The following LPAR1 variants were observed in gnomAD, a reference collection of about 807,000 sequenced individuals.
LPAR1 encodes the protein LPA receptor 1.
LPAR1 carries 5 observed loss-of-function variants against 23.8 expected under a neutral mutation model. That is an observed-to-expected ratio of 0.21 (90% confidence interval 0.11 to 0.44). LPAR1 has a LOEUF of 0.44. Among genes scored for constraint, LPAR1 ranks in the 20% least tolerant of loss-of-function variants. LPAR1 has a pLI of 0.99. For missense variants in LPAR1, 311 were observed against 482.8 expected, an observed-to-expected ratio of 0.64 and a Z score of 3.33; for synonymous variants, 160 against 164.7, an observed-to-expected ratio of 0.97 and a Z score of 0.22.
chr9:111,015,370 C>T (rs994810205), intron 2 of LPAR1, among the ~76,000 whole-genome samples: 9 of 152,168 alleles, frequency 5.9e-5, no homozygotes, highest in Admixed American at 5.9e-4. Flanking sequence ...ATCAATTCTT[C>T]CTCCTAAATG....
chr9:110,920,980 T>C (rs1714690104), intron 5 of LPAR1, among the ~76,000 whole-genome samples: 1 of 152,014 alleles, frequency 6.6e-6, no homozygotes, highest in African/African-American at 2.4e-5. Context: ...AATTTTTTTT[T>C]TTTTAATTAG....
rs56962960 is a variant in LPAR1, at chr9:111,030,045, CAAAAAAA to C, written c.-182+6070_-182+6076del. Reference sequence around the variant, plus strand: ...TGGGCAATAAAGTGAGGCTCTGCCTCAAAAAAAAAAAAAAAAAAAAAAAAATTTAGTG... The same window carrying C: ...TGGGCAATAAAGTGAGGCTCTGCCTCAAAAAAAAAAAAAAAAAATTTAGTG... On this transcript the variant is annotated intron_variant, in intron 2 of 5. Transcript: ENST00000683809. Among the ~76,000 whole-genome samples the C allele has an allele frequency of 4.0e-3, 304 of 75,234 alleles. 1 individual carries two copies. Among genetic ancestry groups the C allele is most frequent in the African/African-American group, 0.015 (286 of 19,170 alleles). The allele number at this position is 75,234 out of a possible 152,430, so 49.4% of individuals were successfully genotyped here. A position where few individuals can be genotyped will look rare whatever the true frequency, so the allele number is the denominator to read the frequency against.
chr9:111,037,378 C>A (rs1204922450), intron 1 of LPAR1, among the ~76,000 whole-genome samples: 1 of 152,204 alleles, frequency 6.6e-6, no homozygotes, highest in Non-Finnish European at 1.5e-5. Context: ...CAACCTCAGG[C>A]CCCAGACAGC....
At chr9:110,908,193 A>T (rs1345149014) in intron 5 of LPAR1, among the ~76,000 whole-genome samples, 1 of 151,482 alleles carries the variant, frequency 6.6e-6, no homozygotes, top group Admixed American at 6.6e-5. Context: ...ATTAATTTTA[A>T]ATATCTAAAT....
intron 4 of LPAR1, among the ~76,000 whole-genome samples, chr9:110,969,005 G>C (rs1330385786): frequency 6.6e-6 from 1 of 152,094 alleles, no homozygotes; most frequent in Non-Finnish European, 1.5e-5. Context: ...TGACTGGTGA[G>C]CCTATGTGCC....
At position 110,985,896 on chromosome 9, in the gene LPAR1, A is replaced by G. The variant is rs2096770837; in HGVS notation, c.-181-12338T>C. 4.6e-5 allele frequency among the ~76,000 whole-genome samples: 7 copies of G among 152,088 alleles called. No individual in the cohort carries two copies. The South Asian group carries it at 1.4e-3, about 32-fold the overall frequency. On this transcript the variant is annotated intron_variant, in intron 2 of 5. Transcript: ENST00000683809. ...AGTAGTAAATCAGGAAAGGCCTGGA[A>G]CTACAGATTTCTGAGTTGGAGAAAA...
At chr9:110,882,367 G>A (rs988588675) in intron 5 of LPAR1, among the ~76,000 whole-genome samples, 4 of 152,200 alleles carry the variant, frequency 2.6e-5, no homozygotes, top group South Asian at 2.1e-4. Flanking sequence ...ATAGCTAAGC[G>A]CCTAGTACAT....
chr9:110,977,810 G>GGAAGGAA (rs1564227320), intron 2 of LPAR1, among the ~76,000 whole-genome samples: 14 of 99,386 alleles, frequency 1.4e-4, no homozygotes, highest in African/African-American at 6.3e-4. Context: ...GAAGGAAGGA[G>GGAAGGAA]GGAGGGAGGG....
At chr9:110,996,649 G>A (rs2097015337) in intron 2 of LPAR1, among the ~76,000 whole-genome samples, 1 of 152,122 alleles carries the variant, frequency 6.6e-6, no homozygotes, top group Non-Finnish European at 1.5e-5. Context: ...GATAAAATGA[G>A]CAGGTGGCAA....
At chr9:110,899,901 AC>A (rs1397643373) in intron 5 of LPAR1, among the ~76,000 whole-genome samples, 1 of 152,170 alleles carries the variant, frequency 6.6e-6, no homozygotes, top group African/African-American at 2.4e-5. Context: ...CCAGTAATAC[AC>A]CACCCCCATG....
chr9:110,986,676 A>G (rs2096788798), intron 2 of LPAR1, among the ~76,000 whole-genome samples: 2 of 152,126 alleles, frequency 1.3e-5, no homozygotes, highest in Non-Finnish European at 2.9e-5. Flanking sequence ...AAAGAGACCA[A>G]TGGGGGTGGA....
chr9:110,914,886 T>A lies in LPAR1; in HGVS notation c.793+26535A>T, dbSNP rs538117255. ...GCTCTCGAGCTAAGACAACTGCTAA[T>A]CTCATACTCAAAAATGAAACCTAAC... On this transcript the variant is annotated intron_variant, in intron 5 of 5. Coordinates refer to ENST00000683809, the MANE Select transcript of LPAR1 (RefSeq NM_001351411.2). Among the ~76,000 whole-genome samples the A allele has an allele frequency of 4.4e-4, 67 of 152,140 alleles. No homozygotes were observed. The South Asian group carries it at 0.014, about 31-fold the overall frequency.
chr9:111,023,859 T>C (rs757800818), intron 2 of LPAR1, among the ~76,000 whole-genome samples: 2 of 152,210 alleles, frequency 1.3e-5, no homozygotes, highest in Admixed American at 6.5e-5. Flanking sequence ...ATACAACTAA[T>C]GTCTCATTCA....
intron 2 of LPAR1, among the ~76,000 whole-genome samples, chr9:111,010,258 G>A (rs1177703991): frequency 2.0e-5 from 3 of 152,184 alleles, no homozygotes; most frequent in Middle Eastern, 6.8e-3. Flanking sequence ...TAAAGGTCTT[G>A]CAGAGGAATA....
intron 5 of LPAR1, among the ~76,000 whole-genome samples, chr9:110,921,185 G>A (rs1284707442): frequency 2.6e-5 from 4 of 152,060 alleles, no homozygotes; most frequent in Non-Finnish European, 5.9e-5. Context: ...GAGGTAGGAC[G>A]ATGGCTTGAG....
intron 5 of LPAR1, among the ~76,000 whole-genome samples, chr9:110,884,816 A>G (rs978043439): frequency 1.3e-5 from 2 of 152,176 alleles, no homozygotes; most frequent in African/African-American, 4.8e-5. Flanking sequence ...GTTTCTGTTC[A>G]TCTGAGACTT....
At chr9:110,940,413 G>C (rs2095020181) in intron 5 of LPAR1, among the ~76,000 whole-genome samples, 1 of 152,180 alleles carries the variant, frequency 6.6e-6, no homozygotes, top group Non-Finnish European at 1.5e-5. Context: ...ATATAAATTG[G>C]AGCACAGAGA....
chr9:110,954,750 C>T (rs1244170057), intron 4 of LPAR1, among the ~76,000 whole-genome samples: 1 of 151,998 alleles, frequency 6.6e-6, no homozygotes, highest in Non-Finnish European at 1.5e-5. Context: ...AGATACTATA[C>T]CCAGCAAAGT....
At chr9:110,915,997 G>C (rs913092802) in intron 5 of LPAR1, among the ~76,000 whole-genome samples, 2 of 100,432 alleles carry the variant, frequency 2.0e-5, no homozygotes, top group Non-Finnish European at 4.6e-5. Flanking sequence ...AGTATACAGT[G>C]ATATAACCTT....
Sources: allele counts gnomAD v4.1 joint callset (sites outside exome capture counted in the v4.1 genomes callset), GRCh38; gene constraint gnomAD v4.1.1; transcripts MANE v1.5; gene names NCBI Gene and HGNC (gene_info 2026-07-23, HGNC 2026-07-21).